EXD2: variants seen among roughly 807,000 people sequenced by gnomAD.
EXD2 encodes the protein exonuclease 3'-5' domain containing 2.
Under a neutral mutation model 62.5 loss-of-function variants are expected in EXD2, and 40 were observed. The observed-to-expected ratio is 0.64, with a 90% CI of 0.50 to 0.83. The LOEUF is 0.83. EXD2 is among the 40% of genes least tolerant of loss of function. EXD2 has a pLI of 0.00. For synonymous variants in EXD2, 239 were observed against 291.9 expected, an observed-to-expected ratio of 0.82 and a Z score of 1.85; for missense variants, 671 against 761.8, an observed-to-expected ratio of 0.88 and a Z score of 1.40.
At chr14:69,199,638 A>G (rs947806423) in intron 1 of EXD2, among the ~76,000 whole-genome samples, 1 of 152,036 alleles carries the variant, frequency 6.6e-6, no homozygotes, top group African/African-American at 2.4e-5. Flanking sequence ...TTTGTTAAAA[A>G]CTAAGACACA....
chr14:69,228,381 G>A (rs1302212994), intron 3 of EXD2, among the ~76,000 whole-genome samples: 3 of 152,070 alleles, frequency 2.0e-5, no homozygotes, highest in African/African-American at 7.2e-5. Flanking sequence ...TGGTAGAGAC[G>A]GGGTTTCACC....
chr14:69,195,121 G>A (rs146434993), intron 1 of EXD2, among the ~76,000 whole-genome samples: 1 of 152,096 alleles, frequency 6.6e-6, no homozygotes, highest in African/African-American at 2.4e-5. Flanking sequence ...GGAGGCTGAG[G>A]CAGGAAAATC....
Position 69,241,127 on chromosome 14 carries a change from A to T in EXD2, c.*27A>T, listed in dbSNP as rs746641629. On this transcript the variant is annotated 3_prime_UTR_variant, in exon 10 of 10. Transcript: ENST00000685843. ...AGCTGCTTTCCTCCCAGTTAGGACA[A>T]GTGGGAAGCTGGAGCCAAGGTTGAA... 6.2e-7 allele frequency: 1 copy of T among 1,601,006 alleles called. No homozygotes were observed. The highest frequency in any genetic ancestry group is 1.1e-5 in the South Asian group (1 of 90,394).
At chr14:69,232,587 CTAG>C (rs1301222705) in intron 5 of EXD2, among the ~76,000 whole-genome samples, 1 of 152,126 alleles carries the variant, frequency 6.6e-6, no homozygotes, top group Non-Finnish European at 1.5e-5. Context: ...TAGAGCCATC[CTAG>C]TAGGTGTGAA....
rs777295774 is a variant in EXD2, at chr14:69,234,745, C to A, written c.763C>A (p.Leu255Ile). ...TGCCCAGATTTCAGTGGCTCTCTTT[C>A]TTCATCTTCTTGGATACCCTTTCTC... Reference protein sequence around the residue: ...RDAQISVALFLHLLGYPFSRN... With the variant: ...RDAQISVALFIHLLGYPFSRN... Residue 255 changes from leucine to isoleucine, a missense_variant, in exon 6 of 10, where the codon CTT becomes ATT. Transcript: ENST00000685843. 3.1e-6 allele frequency: 5 copies of A among 1,613,950 alleles called. No individual in the cohort carries two copies. The South Asian group carries it at 4.4e-5, about 14-fold the overall frequency.
chr14:69,210,164 C>A (rs1362397190), intron 3 of EXD2: 2 of 173,788 alleles, frequency 1.2e-5, no homozygotes, highest in African/African-American at 4.8e-5. Context: ...AAATAGATCA[C>A]CCCCATAAAG....
intron 9 of EXD2, among the ~76,000 whole-genome samples, 157 bp from the exon 10 acceptor site, chr14:69,240,727 A>T (rs901751026): frequency 3.3e-5 from 5 of 152,206 alleles, no homozygotes; most frequent in African/African-American, 1.2e-4. Flanking sequence ...AAAAGGGCAG[A>T]GATAAGAAAG....
At chr14:69,219,349 A>T (rs576654372) in intron 3 of EXD2, among the ~76,000 whole-genome samples, 1 of 152,320 alleles carries the variant, frequency 6.6e-6, no homozygotes, top group East Asian at 1.9e-4. Context: ...ATTTTTGCAC[A>T]TTGATTTTAT....
intron 2 of EXD2, among the ~76,000 whole-genome samples, chr14:69,206,706 T>C (rs913718675): frequency 7.2e-5 from 11 of 151,962 alleles, no homozygotes; most frequent in African/African-American, 2.7e-4. Context: ...GATCTCAAAC[T>C]CCTAGGCTCA....
At chr14:69,221,770 C>A (rs1435538559) in intron 3 of EXD2, among the ~76,000 whole-genome samples, 1 of 150,272 alleles carries the variant, frequency 6.7e-6, no homozygotes, top group Non-Finnish European at 1.5e-5. Flanking sequence ...CCTGTCTCCC[C>A]CTCCAAAAAA....
intron 1 of EXD2, chr14:69,195,986 T>G (rs1241802497): frequency 1.3e-5 from 2 of 152,218 alleles, no homozygotes; most frequent in Non-Finnish European, 2.9e-5. Flanking sequence ...AAGTTCAAAA[T>G]TAAGGTGTCA....
In EXD2 at chr14:69,241,115, C is replaced by T. The variant is rs749849907; in HGVS notation, c.*15C>T. 101 of 1,608,314 alleles carry T rather than the reference C, an allele frequency of 6.3e-5. No homozygotes were observed. Among genetic ancestry groups the T allele is most frequent in the Admixed American group, 1.0e-4 (6 of 59,886 alleles). On this transcript the variant is annotated 3_prime_UTR_variant, in exon 10 of 10. Transcript: ENST00000685843. ...AGCTGTCTTGATAGCTGCTTTCCTC[C>T]CAGTTAGGACAAGTGGGAAGCTGGA...
At chr14:69,233,258 C>A (rs1428661862) in intron 5 of EXD2, among the ~76,000 whole-genome samples, 1 of 151,962 alleles carries the variant, frequency 6.6e-6, no homozygotes, top group East Asian at 1.9e-4. Context: ...TTTATCCAAA[C>A]TTGTTTTACT....
intron 1 of EXD2, among the ~76,000 whole-genome samples, chr14:69,202,007 C>A (rs1182642875): frequency 6.6e-6 from 1 of 152,036 alleles, no homozygotes; most frequent in Admixed American, 6.6e-5. Flanking sequence ...AATACCCCAA[C>A]TCGGCCAGGT....
In EXD2 at chr14:69,237,582, G is replaced by A. The variant is rs775794862; in HGVS notation, c.1300G>A (p.Val434Met). Residue 434 changes from valine to methionine, a missense_variant, in exon 9 of 10, where the codon GTG (valine) becomes ATG (methionine). Coordinates refer to ENST00000685843, the MANE Select transcript of EXD2 (RefSeq NM_001193360.2). ...CGGCTGGGCTTGTTCCAGGAAGAAC[G>A]TGATTCCACATGAGTACCGGAAGCA... ...GKRDSYIRKN[V>M]IPHEYRKHFP... 7 of 1,614,050 alleles carry A rather than the reference G, an allele frequency of 4.3e-6. No homozygotes were observed. The highest frequency in any genetic ancestry group is 4.0e-5 in the African/African-American group (3 of 74,936).
chr14:69,219,454 TG>T (rs2043097382), intron 3 of EXD2, among the ~76,000 whole-genome samples: 1 of 152,202 alleles, frequency 6.6e-6, no homozygotes, highest in South Asian at 2.1e-4. Context: ...GCAGTAAACA[TG>T]GGTGTGCAGC....
In EXD2 at chr14:69,243,912, CT is replaced by C. The variant is rs1364011999; in HGVS notation, c.*2814del. 2 of 152,086 alleles carry C rather than the reference CT, an allele frequency of 1.3e-5. No homozygotes were observed. The highest frequency in any genetic ancestry group is 4.8e-5 in the African/African-American group (2 of 41,410). 9.4% of individuals were successfully genotyped at this position (152,086 alleles called of 1,614,324 possible). Reference sequence around the variant, plus strand: ...TCTTGAGTCCTTCCCTTCTTCCAACCTTATTGCCTCATTTCCCCCTTGTAGT... The same window carrying C: ...TCTTGAGTCCTTCCCTTCTTCCAACCTATTGCCTCATTTCCCCCTTGTAGT... On this transcript the variant is annotated 3_prime_UTR_variant, in exon 10 of 10. Coordinates refer to ENST00000685843, the MANE Select transcript of EXD2 (RefSeq NM_001193360.2).
intron 2 of EXD2, among the ~76,000 whole-genome samples, chr14:69,207,195 T>C (rs913823660): frequency 1.3e-5 from 2 of 152,142 alleles, no homozygotes; most frequent in Non-Finnish European, 2.9e-5. Context: ...TTATTGTAAA[T>C]ATGAAATTTT....
chr14:69,240,998 C>T lies in EXD2; in HGVS notation c.1764C>T (p.Asp588=), dbSNP rs1274720001. The T allele has an allele frequency of 3.2e-5, 52 of 1,613,248 alleles. No homozygotes were observed. Among genetic ancestry groups the T allele is most frequent in the Non-Finnish European group, 4.2e-5 (50 of 1,180,044 alleles). Residue 588 remains aspartate (D), a synonymous_variant, in exon 10 of 10, where the codon GAC becomes GAT. Coordinates refer to ENST00000685843, the MANE Select transcript of EXD2 (RefSeq NM_001193360.2). The part of the protein sequence containing the change: ...LESRWRQHFL[D]SMQPKHLPQQ... ...GCCGCTGGCGTCAGCACTTCCTGGA[C>T]TCCATGCAGCCCAAGCACCTGCCCC...
Sources: gnomAD v4.1 joint callset for allele counts (sites outside exome capture counted in the v4.1 genomes callset) on GRCh38, gnomAD v4.1.1 for gene constraint, MANE v1.5 for transcripts, NCBI Gene and HGNC (gene_info 2026-07-23, HGNC 2026-07-21) for gene names.